The following RHOBTB1 variants were observed in gnomAD, a reference collection of about 807,000 sequenced individuals.
RHOBTB1 encodes Rho related BTB domain containing 1.
RHOBTB1 carries 40 observed loss-of-function variants against 71.6 expected under a neutral mutation model. The ratio of observed to expected loss-of-function variants is 0.56; its 90% CI spans 0.43 to 0.73. RHOBTB1 has a LOEUF of 0.73. RHOBTB1 is among the 30% of genes least tolerant of loss of function. The probability of loss-of-function intolerance (pLI) is 0.00; values close to 1 mark genes in which losing one functional copy is unlikely to be tolerated. For missense variants in RHOBTB1, 797 were observed against 894.0 expected (o/e 0.89, Z 1.38); for synonymous variants, 319 against 334.9 (o/e 0.95, Z 0.52).
intron 2 of RHOBTB1, among the ~76,000 whole-genome samples, chr10:60,966,005 A>G (rs532413361): frequency 2.6e-5 from 4 of 152,292 alleles, no homozygotes; most frequent in African/African-American, 9.6e-5. Context: ...TATAATTTTA[A>G]AAACTGTGAT....
intron 2 of RHOBTB1, among the ~76,000 whole-genome samples, chr10:60,975,288 C>T (rs907125443): frequency 1.3e-5 from 2 of 152,006 alleles, no homozygotes; most frequent in Admixed American, 1.3e-4. Context: ...CAACCTAATG[C>T]ATTTTTCTCT....
intron 2 of RHOBTB1, among the ~76,000 whole-genome samples, chr10:60,933,692 C>A (rs1307447545): frequency 6.6e-6 from 1 of 151,034 alleles, no homozygotes; most frequent in African/African-American, 2.4e-5. Flanking sequence ...GAGTGAGAAT[C>A]CGTCAAAAAA....
downstream of RHOBTB1, among the ~76,000 whole-genome samples, chr10:60,865,281 A>G (rs2080631673): frequency 6.6e-6 from 1 of 152,258 alleles, no homozygotes; most frequent in African/African-American, 2.4e-5. Flanking sequence ...TATGTAAAAT[A>G]AAATTAGAAG....
At chr10:60,956,172 T>G (rs565914262) in intron 2 of RHOBTB1, among the ~76,000 whole-genome samples, 28 of 152,328 alleles carry the variant, frequency 1.8e-4, no homozygotes, top group African/African-American at 6.7e-4. Context: ...GTACAGCATG[T>G]TACTGGATTG....
the RHOBTB1 span, among the ~76,000 whole-genome samples, chr10:60,863,017 G>A: frequency 6.6e-6 from 1 of 152,152 alleles, no homozygotes; most frequent in South Asian, 2.1e-4. Flanking sequence ...AGTTTTAAAA[G>A]TTTACCTCCC....
intron 2 of RHOBTB1, among the ~76,000 whole-genome samples, chr10:60,961,484 C>T (rs2085775644): frequency 6.6e-6 from 1 of 152,088 alleles, no homozygotes; most frequent in African/African-American, 2.4e-5. Context: ...AAGTAGGCTG[C>T]CTTGTACAAT....
intron 2 of RHOBTB1, among the ~76,000 whole-genome samples, chr10:60,930,318 A>T (rs984094100): frequency 6.6e-6 from 1 of 152,176 alleles, no homozygotes; most frequent in African/African-American, 2.4e-5. Flanking sequence ...GATTGTTGTG[A>T]AGATTATATT....
intron 7 of RHOBTB1, among the ~76,000 whole-genome samples, chr10:60,885,369 T>C (rs2081520753): frequency 1.3e-5 from 2 of 152,212 alleles, no homozygotes; most frequent in Admixed American, 1.3e-4. Flanking sequence ...TGCTGTTTGC[T>C]CTTCTCTAAG....
rs190551865 is a variant in RHOBTB1, at chr10:60,993,939, C to A, written c.-163+7460G>T. Among the ~76,000 whole-genome samples the A allele has an allele frequency of 5.1e-4, 78 of 152,130 alleles. 1 individual carries two copies. Among genetic ancestry groups the A allele is most frequent in the East Asian group, 9.6e-4 (5 of 5,186 alleles). ...GATTTTCTTAATATTTGTATATACA[C>A]TTTTAGAGCTGAGGTTCTTAGCCTG... On this transcript the variant is annotated intron_variant, in intron 1 of 11. Coordinates refer to the RHOBTB1 transcript ENST00000357917.
intron 4 of RHOBTB1, 143 bp downstream of exon 4, chr10:60,910,744 C>A: frequency 1.8e-6 from 1 of 561,212 alleles, no homozygotes; most frequent in Non-Finnish European, 3.1e-6. Context: ...ATTTTTTTTT[C>A]TTTTCCTTTT....
chr10:60,861,436 T>C, the RHOBTB1 span, among the ~76,000 whole-genome samples: 121 of 152,262 alleles, frequency 7.9e-4, no homozygotes, highest in African/African-American at 2.7e-3. Context: ...TGTTATTAGG[T>C]GGTTTGTTTT....
At chr10:60,902,885 A>G (rs1301796581) in intron 4 of RHOBTB1, among the ~76,000 whole-genome samples, 1 of 152,240 alleles carries the variant, frequency 6.6e-6, no homozygotes, top group East Asian at 1.9e-4. Flanking sequence ...TTCAACTAAC[A>G]TCGATCAAGC....
At chr10:60,991,100 C>T (rs1459604482) in intron 1 of RHOBTB1, among the ~76,000 whole-genome samples, 1 of 152,220 alleles carries the variant, frequency 6.6e-6, no homozygotes, top group African/African-American at 2.4e-5. Context: ...CCTCATCCTT[C>T]TCCTTTAGGC....
rs995106655 is a variant in RHOBTB1 at position 60,873,526 on chromosome 10, G to A, written c.1816-1236C>T. 1.1e-4 allele frequency among the ~76,000 whole-genome samples: 16 copies of A among 152,270 alleles called. No homozygotes were observed. In the East Asian group the frequency reaches 2.3e-3, roughly 22 times the overall value. ...TATTTCCTTGTAGTGGGTGTGTATG[G>A]GGGTAAGGTGGGAACACAGTGCAAC... On this transcript the variant is annotated intron_variant, in intron 9 of 10. Coordinates refer to ENST00000337910, the MANE Select transcript of RHOBTB1 (RefSeq NM_014836.5).
downstream of RHOBTB1, among the ~76,000 whole-genome samples, chr10:60,867,460 A>G (rs576890413): frequency 6.6e-5 from 10 of 152,302 alleles, no homozygotes; most frequent in African/African-American, 2.2e-4. Context: ...CATTTCATCT[A>G]TGTTCTGTTG....
chr10:60,938,570 AC>A (rs1390632790), intron 2 of RHOBTB1, among the ~76,000 whole-genome samples: 1 of 152,220 alleles, frequency 6.6e-6, no homozygotes, highest in Non-Finnish European at 1.5e-5. Flanking sequence ...ATTTAAAATG[AC>A]CTAAGCAGTT....
At chr10:60,901,892 G>T (rs1398124504) in intron 4 of RHOBTB1, among the ~76,000 whole-genome samples, 2 of 152,180 alleles carry the variant, frequency 1.3e-5, no homozygotes, top group Non-Finnish European at 2.9e-5. Context: ...ACTCTCTTGG[G>T]CCCATCAATG....
chr10:60,997,104 C>G (rs1463308746), intron 1 of RHOBTB1, among the ~76,000 whole-genome samples: 2 of 146,242 alleles, frequency 1.4e-5, no homozygotes, highest in Non-Finnish European at 3.0e-5. Context: ...CACACACACA[C>G]AGCTTTTGCT....
At chr10:60,898,955 G>A (rs189598207) in intron 4 of RHOBTB1, among the ~76,000 whole-genome samples, 42 of 152,228 alleles carry the variant, frequency 2.8e-4, no homozygotes, top group Middle Eastern at 6.8e-3. Context: ...GGCAAAAACC[G>A]CAATTACGTT....
Sources: allele counts gnomAD v4.1 joint callset (sites outside exome capture counted in the v4.1 genomes callset), GRCh38; gene constraint gnomAD v4.1.1; transcripts MANE v1.5; gene names NCBI Gene and HGNC (gene_info 2026-07-23, HGNC 2026-07-21).